The following ROBO1 variants were observed in gnomAD, a reference collection of about 807,000 sequenced individuals.
The protein encoded by ROBO1 is roundabout homolog 1.
Under a neutral mutation model 195.9 loss-of-function variants are expected in ROBO1, and 149 were observed. The observed-to-expected ratio is 0.76, with a 90% CI of 0.67 to 0.87. The LOEUF is 0.87. ROBO1 is among the 40% of genes least tolerant of loss of function. The pLI is 0.00. For missense variants in ROBO1, 1,933 were observed against 2,068.3 expected, an observed-to-expected ratio of 0.93 and a Z score of 1.27; for synonymous variants, 816 against 733.2, an observed-to-expected ratio of 1.11 and a Z score of -1.82.
At chr3:79,626,384 C>T (rs956865949) in intron 1 of ROBO1, among the ~76,000 whole-genome samples, 6 of 152,102 alleles carry the variant, frequency 3.9e-5, no homozygotes, top group Admixed American at 3.9e-4. Context: ...TTGCAGTGAG[C>T]CACGATCGTG....
intron 4 of ROBO1, among the ~76,000 whole-genome samples, chr3:78,935,347 TA>T (rs2039747070): frequency 6.6e-6 from 1 of 152,086 alleles, no homozygotes; most frequent in South Asian, 2.1e-4. Context: ...ATGCTGACTG[TA>T]TACTGCTTAG....
rs368847693 is a variant in ROBO1, at chr3:79,224,754, A to G, written c.89-99215T>C. Among the ~76,000 whole-genome samples, 338 of 152,286 alleles carry G rather than the reference A, an allele frequency of 2.2e-3. 1 individual carries two copies. The highest frequency in any genetic ancestry group is 7.2e-3 in the African/African-American group (298 of 41,554). The stretch of plus-strand genomic sequence containing the variant: ...TGTGTATGAACTCGTTCATTTAGCA[A>G]TTATTTGTTGAACCCTAAGGTGTTT... On this transcript the variant is annotated intron_variant, in intron 2 of 30. Coordinates refer to ENST00000464233, the MANE Select transcript of ROBO1 (RefSeq NM_002941.4).
intron 2 of ROBO1, among the ~76,000 whole-genome samples, chr3:79,573,668 C>T (rs990848048): frequency 1.3e-5 from 2 of 152,026 alleles, no homozygotes; most frequent in Non-Finnish European, 2.9e-5. Context: ...AAATTACCAA[C>T]ACATTCAATT....
intron 4 of ROBO1, among the ~76,000 whole-genome samples, chr3:78,755,453 A>T (rs551763446): frequency 1.4e-4 from 22 of 152,274 alleles, no homozygotes; most frequent in African/African-American, 5.3e-4. Context: ...CAGCCTGAGC[A>T]ACAGAGCCAG....
intron 19 of ROBO1, among the ~76,000 whole-genome samples, chr3:78,651,141 G>A (rs1479168075): frequency 3.9e-5 from 6 of 152,098 alleles, no homozygotes; most frequent in East Asian, 3.9e-4. Context: ...AAACACATTC[G>A]TAACAAAATC....
At chr3:78,995,094 T>C (rs1359405837) in intron 3 of ROBO1, among the ~76,000 whole-genome samples, 1 of 152,192 alleles carries the variant, frequency 6.6e-6, no homozygotes, top group Non-Finnish European at 1.5e-5. Flanking sequence ...CTTTTAATAC[T>C]GACAAAAATT....
At chr3:78,601,528 GTC>G (rs1231202484) in intron 29 of ROBO1, among the ~76,000 whole-genome samples, 2 of 152,094 alleles carry the variant, frequency 1.3e-5, no homozygotes, top group Non-Finnish European at 2.9e-5. Flanking sequence ...ATCATCCTCT[GTC>G]TCTGTTTCAT....
At chr3:79,251,898 C>G (rs1292995828) in intron 2 of ROBO1, among the ~76,000 whole-genome samples, 2 of 151,754 alleles carry the variant, frequency 1.3e-5, no homozygotes, top group Non-Finnish European at 2.9e-5. Flanking sequence ...TGCAGTGAGC[C>G]AAGATTGTGC....
intron 4 of ROBO1, among the ~76,000 whole-genome samples, chr3:78,828,821 C>A (rs1210248653): frequency 2.0e-5 from 3 of 152,134 alleles, no homozygotes; most frequent in African/African-American, 7.2e-5. Context: ...GGTGGCTCCC[C>A]ATTTGGGAAA....
chr3:79,501,394 G>A (rs1350653534), intron 2 of ROBO1, among the ~76,000 whole-genome samples: 1 of 152,160 alleles, frequency 6.6e-6, no homozygotes. Flanking sequence ...AGAGCAAAAA[G>A]CTATTTCTTG....
intron 8 of ROBO1, among the ~76,000 whole-genome samples, chr3:78,695,422 G>A (rs1052385055): frequency 4.6e-5 from 7 of 151,846 alleles, no homozygotes; most frequent in Non-Finnish European, 7.4e-5. Context: ...TCAGGAGATC[G>A]AGACCATCCT....
intron 2 of ROBO1, chr3:79,512,748 G>T (rs996513444): frequency 5.9e-5 from 9 of 152,092 alleles, no homozygotes; most frequent in African/African-American, 1.9e-4. Flanking sequence ...GGAAAACCTG[G>T]TGTTAGACAT....
chr3:79,281,300 T>C (rs910177486), intron 2 of ROBO1, among the ~76,000 whole-genome samples: 7 of 149,970 alleles, frequency 4.7e-5, no homozygotes, highest in African/African-American at 1.8e-4. Context: ...TCATATATTC[T>C]TATTTATTGA....
At chr3:78,926,072 T>C (rs1203043149) in intron 4 of ROBO1, among the ~76,000 whole-genome samples, 1 of 152,030 alleles carries the variant, frequency 6.6e-6, no homozygotes, top group Non-Finnish European at 1.5e-5. Flanking sequence ...GGTTTCATCA[T>C]GTTGGCCAGG....
intron 2 of ROBO1, among the ~76,000 whole-genome samples, chr3:79,443,040 T>C (rs1351381687): frequency 6.6e-6 from 1 of 152,194 alleles, no homozygotes; most frequent in Admixed American, 6.6e-5. Context: ...GCTTTTACAT[T>C]CCTTAGAATC....
intron 1 of ROBO1, among the ~76,000 whole-genome samples, chr3:79,688,485 T>C (rs1043160619): frequency 1.1e-4 from 17 of 152,168 alleles, no homozygotes; most frequent in African/African-American, 4.1e-4. Context: ...TTACTTTGAC[T>C]ATTTTTTGCC....
At chr3:79,633,937 G>A (rs992420845) in intron 1 of ROBO1, among the ~76,000 whole-genome samples, 9 of 152,044 alleles carry the variant, frequency 5.9e-5, no homozygotes, top group African/African-American at 2.2e-4. Context: ...AGACACAGGA[G>A]CTTCTTTGTT....
rs72895904 is a variant in ROBO1, at chr3:79,674,210, G to A, written c.-50-84249C>T. 7.7e-3 allele frequency among the ~76,000 whole-genome samples: 1,175 copies of A among 151,962 alleles called. 13 individuals carry two copies. Among genetic ancestry groups the A allele is most frequent in the African/African-American group, 0.027 (1,105 of 41,502 alleles). On this transcript the variant is annotated intron_variant, in intron 1 of 30. Coordinates refer to ENST00000464233, the MANE Select transcript of ROBO1 (RefSeq NM_002941.4). ...TGAGACACACAGTTCTGGGAACTTGGGTAGATTATTTAAACTATTTTTAAG... is the reference window on the plus strand; with the variant it reads ...TGAGACACACAGTTCTGGGAACTTGAGTAGATTATTTAAACTATTTTTAAG...
intron 2 of ROBO1, among the ~76,000 whole-genome samples, chr3:79,334,346 A>G (rs1444266027): frequency 6.8e-6 from 1 of 146,328 alleles, no homozygotes; most frequent in African/African-American, 2.5e-5. Context: ...ATATATATGT[A>G]TATATGTATA....
Sources: gnomAD v4.1 joint callset for allele counts (sites outside exome capture counted in the v4.1 genomes callset) on GRCh38, gnomAD v4.1.1 for gene constraint, MANE v1.5 for transcripts, NCBI Gene and HGNC (gene_info 2026-07-23, HGNC 2026-07-21) for gene names.